Variants in SPATA25 observed in about 807,000 individuals in gnomAD.
The protein encoded by SPATA25 is spermatogenesis associated 25, also known as spermatogenesis-associated protein 25.
Under a neutral mutation model 16.0 loss-of-function variants are expected in SPATA25, and 16 were observed. The observed-to-expected ratio is 1.00, with a 90% CI of 0.68 to 1.52. The LOEUF is 1.52. SPATA25 is among the 40% of genes most tolerant of loss of function. The probability of loss-of-function intolerance (pLI) is 0.00; values close to 1 mark genes in which losing one functional copy is unlikely to be tolerated. For missense variants in SPATA25, 285 were observed against 289.2 expected (o/e 0.99, Z 0.11); for synonymous variants, 115 against 118.5 (o/e 0.97, Z 0.19).
upstream of SPATA25, chr20:45,888,958 A>G: frequency 6.6e-7 from 1 of 1,522,124 alleles, no homozygotes; most frequent in Non-Finnish European, 9.0e-7. Flanking sequence ...CATGGTCCCC[A>G]CTTTGTCATT....
At chr20:45,889,312 T>C (rs1986620273), upstream of SPATA25, among the ~76,000 whole-genome samples, 2 of 152,162 alleles carry the variant, frequency 1.3e-5, no homozygotes, top group African/African-American at 4.8e-5. Context: ...TCGAAGCCAA[T>C]AGCCAATATG....
upstream of SPATA25, chr20:45,888,989 T>G (rs1986599082): frequency 8.2e-7 from 1 of 1,219,228 alleles, no homozygotes; most frequent in South Asian, 1.4e-5. Context: ...AAGTCCTTAC[T>G]GCTCTCTGGG....
At chr20:45,887,490 G>A (rs769681321) in intron 1 of SPATA25, 46 bp downstream of exon 1, 51 of 1,592,082 alleles carry the variant, frequency 3.2e-5, no homozygotes, top group Non-Finnish European at 3.3e-5. Context: ...CAACTTCTCA[G>A]GGGAAGCTGC....
At chr20:45,890,657 A>G, upstream of SPATA25, 1 of 1,613,420 alleles carries the variant, frequency 6.2e-7, no homozygotes, top group South Asian at 1.1e-5. Flanking sequence ...GATGGCGAAG[A>G]CCCAGGTGTG....
rs749897292 is a variant in SPATA25, at chr20:45,886,653, G to A, written c.548C>T (p.Ala183Val). 2.5e-5 allele frequency: 40 copies of A among 1,614,012 alleles called. No homozygotes were observed. Among genetic ancestry groups the A allele is most frequent in the Non-Finnish European group, 3.3e-5 (39 of 1,180,046 alleles). Residue 183 changes from alanine (A) to valine (V), a missense_variant, in exon 2 of 2, where the codon GCT becomes GTT. By Grantham distance (64) the Ala-to-Val change is moderately conservative. Transcript: ENST00000372519. ...TGGCTCCGGATGGGCCATCATGAAA[G>A]CTTGAGCGGCCCAGATCAGGTCCTC... ...REEDLIWAAQ[A>V]FMMAHPEPEG...
rs766481170 is a variant in SPATA25, at chr20:45,887,145, C to T, written c.56G>A (p.Gly19Asp). 2 of 1,578,146 alleles carry T rather than the reference C, an allele frequency of 1.3e-6. No homozygotes were observed. The highest frequency in any genetic ancestry group is 2.2e-5 in the South Asian group (2 of 90,264). The stretch of plus-strand genomic sequence containing the variant: ...GGACAAGCCTGGAGAAGCAGCCCCA[C>T]CTGCAGAGACAGGAATGAAATGGAA... Reference protein sequence around the residue: ...THPGPLPSGQGGAASPGLSLG... With the variant: ...THPGPLPSGQDGAASPGLSLG... Residue 19 changes from glycine (G) to aspartate (D), a missense_variant and splice_region_variant, in exon 2 of 2, where the codon GGT (glycine) becomes GAT (aspartate). Transcript: ENST00000372519.
Position 45,886,919 on chromosome 20 carries a change from C to G in SPATA25, c.282G>C (p.Pro94=). ...KEYSRNCHKF[P]HVRQLESLGW... is the part of the protein sequence containing the mutation. ...CCAAGCTCTCCAGCTGCCTCACATG[C>G]GGGAATTTGTGGCAGTTTCGGCTGT... is the stretch of plus-strand genomic sequence containing the variant. The change falls in exon 2 of 2, where the codon CCG becomes CCC. Residue 94 remains proline (P), a synonymous_variant. Coordinates refer to ENST00000372519, the MANE Select transcript of SPATA25 (RefSeq NM_080608.4). The G allele has an allele frequency of 6.2e-7, 1 of 1,614,202 alleles. No homozygotes were observed. Among genetic ancestry groups the G allele is most frequent in the Non-Finnish European group, 8.5e-7 (1 of 1,180,050 alleles).
upstream of SPATA25, chr20:45,890,663 G>A (rs1384850852): frequency 9.3e-6 from 15 of 1,613,548 alleles, no homozygotes; most frequent in East Asian, 1.1e-4. Context: ...GAAGACCCAG[G>A]TGTGGCCCAG....
At chr20:45,890,899 A>G (rs1469988492), upstream of SPATA25, 1 of 1,560,512 alleles carries the variant, frequency 6.4e-7, no homozygotes, top group African/African-American at 1.4e-5. Flanking sequence ...GGATGTTGGC[A>G]CCGTGCACCC....
rs368456251 is a variant in SPATA25 at position 45,886,883 on chromosome 20, A to G, written c.318T>C (p.Asn106=). The G allele has an allele frequency of 1.2e-6, 2 of 1,613,972 alleles. No individual in the cohort carries two copies. The highest frequency in any genetic ancestry group is 1.1e-5 in the South Asian group (1 of 91,080). ...VRQLESLGWD[N]GYSRSRAPDL... ...CAGGGGCTCTGCTTCTGGAGTAGCC[A>G]TTGTCCCAGCCCAAGCTCTCCAGCT... Residue 106 remains asparagine, a synonymous_variant, in exon 2 of 2, where the codon AAT becomes AAC. Coordinates refer to ENST00000372519, the MANE Select transcript of SPATA25 (RefSeq NM_080608.4).
upstream of SPATA25, chr20:45,890,736 T>G: frequency 6.2e-7 from 1 of 1,612,904 alleles, no homozygotes; most frequent in Non-Finnish European, 8.5e-7. Flanking sequence ...TCCAGCGCGG[T>G]CAGACCGAGA....
At chr20:45,890,788 G>C (rs897454819), upstream of SPATA25, 2 of 1,603,114 alleles carry the variant, frequency 1.2e-6, no homozygotes, top group African/African-American at 1.3e-5. Flanking sequence ...CCTCGATCTC[G>C]ACCAGGAAGA....
upstream of SPATA25, chr20:45,890,591 G>T: frequency 6.2e-7 from 1 of 1,612,432 alleles, no homozygotes; most frequent in African/African-American, 1.3e-5. Context: ...TCGGCTGGGG[G>T]CCGCTGCCTC....
At chr20:45,888,486 G>A, upstream of SPATA25, 1 of 393,486 alleles carries the variant, frequency 2.5e-6, no homozygotes, top group South Asian at 4.2e-5. Context: ...TGGGATGTGG[G>A]ACACCAGCAC....
At chr20:45,890,762 C>T, upstream of SPATA25, 2 of 1,611,226 alleles carry the variant, frequency 1.2e-6, no homozygotes. Context: ...ATGTCCGCAC[C>T]AGCCCAGCTC....
At position 45,886,911 on chromosome 20, in the gene SPATA25, C is replaced by T. The variant is rs143560777; in HGVS notation, c.290G>A (p.Arg97Lys). The part of the protein sequence containing the change: ...SRNCHKFPHV[R>K]QLESLGWDNG... ...GTCCCAGCCCAAGCTCTCCAGCTGCCTCACATGCGGGAATTTGTGGCAGTT... is the reference window on the plus strand; with the variant it reads ...GTCCCAGCCCAAGCTCTCCAGCTGCTTCACATGCGGGAATTTGTGGCAGTT... The change falls in exon 2 of 2, where the codon AGG (arginine) becomes AAG (lysine). Residue 97 changes from arginine to lysine, a missense_variant. By Grantham distance (26) the Arg-to-Lys change is conservative. Transcript: ENST00000372519. 5.3e-4 allele frequency: 856 copies of T among 1,614,204 alleles called. 7 individuals carry two copies. The African/African-American group carries it at 9.8e-3, about 18-fold the overall frequency.
At chr20:45,888,720 C>G (rs1319984773), upstream of SPATA25, 8 of 1,608,006 alleles carry the variant, frequency 5.0e-6, no homozygotes, top group Non-Finnish European at 6.8e-6. Flanking sequence ...AGGTCTGGGG[C>G]TCCAGGATGC....
upstream of SPATA25, chr20:45,890,729 A>G (rs1398591281): frequency 6.2e-7 from 1 of 1,613,354 alleles, no homozygotes; most frequent in Admixed American, 1.7e-5. Context: ...GGCGGGGTCC[A>G]GCGCGGTCAG....
chr20:45,887,472 C>T, intron 1 of SPATA25, 64 bp downstream of exon 1: 2 of 1,539,194 alleles, frequency 1.3e-6, no homozygotes, highest in Non-Finnish European at 1.8e-6. Context: ...CTCCCCAGAG[C>T]CAGAAAGCAA....
Sources: allele counts gnomAD v4.1 joint callset (sites outside exome capture counted in the v4.1 genomes callset), GRCh38; gene constraint gnomAD v4.1.1; transcripts MANE v1.5; gene names NCBI Gene and HGNC (gene_info 2026-07-23, HGNC 2026-07-21).